The following LRRTM4 variants were observed in gnomAD, a reference collection of about 807,000 sequenced individuals.
LRRTM4 encodes the protein leucine-rich repeat transmembrane neuronal protein 4.
A neutral mutation model predicts 47.6 loss-of-function variants in LRRTM4; 25 were observed. The observed-to-expected ratio is 0.53, with a 90% CI of 0.38 to 0.73. The LOEUF (loss-of-function observed/expected upper bound fraction) is 0.73, where lower values mean the gene tolerates loss of function less well. Ranked by LOEUF, LRRTM4 falls within the 30% of genes least tolerant of loss-of-function variation. LRRTM4 has a pLI of 0.00. For missense variants in LRRTM4, 638 were observed against 713.4 expected, an observed-to-expected ratio of 0.89 and a Z score of 1.20; for synonymous variants, 311 against 269.5, an observed-to-expected ratio of 1.15 and a Z score of -1.51.
chr2:77,057,498 C>G (rs918102544), intron 3 of LRRTM4, among the ~76,000 whole-genome samples: 14 of 152,162 alleles, frequency 9.2e-5, no homozygotes, highest in Non-Finnish European at 1.3e-4. Context: ...AATTTAGTTG[C>G]TAAATCATAG....
intron 3 of LRRTM4, among the ~76,000 whole-genome samples, chr2:77,250,167 G>T (rs1346142888): frequency 1.3e-5 from 2 of 152,276 alleles, no homozygotes; most frequent in East Asian, 1.9e-4. Flanking sequence ...AAGTTAGAAG[G>T]GAGGGAGGTA....
At chr2:77,373,076 A>G (rs1208377277) in intron 3 of LRRTM4, among the ~76,000 whole-genome samples, 1 of 99,170 alleles carries the variant, frequency 1.0e-5, no homozygotes, top group East Asian at 4.2e-4. Flanking sequence ...GCAAACCAAC[A>G]ATTAAAAAAA....
rs557888776 is a variant in LRRTM4, at chr2:77,399,658, G to A, written c.1551+118660C>T. On this transcript the variant is annotated intron_variant, in intron 3 of 3. Coordinates refer to ENST00000409884, the MANE Select transcript of LRRTM4 (RefSeq NM_001134745.3). ...TGCTCGTTATATTTTCACAGTGATC[G>A]TATGAATTAGGTTCTTTTGCTATCT... is the stretch of plus-strand genomic sequence containing the variant. 4.6e-5 allele frequency among the ~76,000 whole-genome samples: 7 copies of A among 151,932 alleles called. No individual in the cohort carries two copies. In the South Asian group the frequency reaches 8.3e-4, roughly 18 times the overall value.
intron 3 of LRRTM4, among the ~76,000 whole-genome samples, chr2:77,212,193 AC>A (rs1205956655): frequency 2.6e-5 from 4 of 152,110 alleles, no homozygotes; most frequent in Admixed American, 6.6e-5. Flanking sequence ...TTAGAAAAAA[AC>A]ATTACTTAAA....
chr2:77,064,822 T>G (rs1679902132), intron 3 of LRRTM4, among the ~76,000 whole-genome samples: 1 of 152,112 alleles, frequency 6.6e-6, no homozygotes, highest in South Asian at 2.1e-4. Context: ...GGGCCGTGCT[T>G]TTTTCGTACC....
chr2:77,046,879 G>A (rs1378123672), intron 3 of LRRTM4, among the ~76,000 whole-genome samples: 2 of 151,986 alleles, frequency 1.3e-5, no homozygotes, highest in Non-Finnish European at 2.9e-5. Flanking sequence ...AGCAAATGAA[G>A]TGACTTTGGC....
chr2:76,776,650 G>A (rs1353976678), intron 3 of LRRTM4, among the ~76,000 whole-genome samples: 5 of 150,288 alleles, frequency 3.3e-5, no homozygotes, highest in African/African-American at 1.2e-4. Flanking sequence ...TGTAGATTCT[G>A]GATATTAGCC....
At chr2:77,205,885 G>A (rs1674109967) in intron 3 of LRRTM4, among the ~76,000 whole-genome samples, 2 of 152,020 alleles carry the variant, frequency 1.3e-5, no homozygotes. Flanking sequence ...ACCCAGGCTG[G>A]AGTGCAGTGG....
At chr2:77,517,331 C>T (rs1342921232) in intron 3 of LRRTM4, 25 of 983,212 alleles carry the variant, frequency 2.5e-5, no homozygotes, top group Non-Finnish European at 3.0e-5. Flanking sequence ...GGGAGGATAC[C>T]CAGAACTCAA....
At chr2:76,934,165 G>C (rs1674863057) in intron 3 of LRRTM4, among the ~76,000 whole-genome samples, 1 of 152,094 alleles carries the variant, frequency 6.6e-6, no homozygotes, top group African/African-American at 2.4e-5. Flanking sequence ...CTCTATGCTT[G>C]TCACTCACAT....
chr2:77,070,036 T>C (rs111843530), intron 3 of LRRTM4, among the ~76,000 whole-genome samples: 2,632 of 152,066 alleles, frequency 0.017, 35 homozygotes, highest in Non-Finnish European at 0.026. Flanking sequence ...AGGCAAGTAC[T>C]GCACAGATCA....
At chr2:76,845,054 G>A (rs1479470463) in intron 3 of LRRTM4, among the ~76,000 whole-genome samples, 1 of 152,078 alleles carries the variant, frequency 6.6e-6, no homozygotes, top group East Asian at 1.9e-4. Context: ...TCTTATTTCA[G>A]TTTGCTTTAA....
intron 3 of LRRTM4, among the ~76,000 whole-genome samples, chr2:77,443,649 A>G (rs892651725): frequency 3.3e-5 from 5 of 152,164 alleles, no homozygotes; most frequent in Non-Finnish European, 5.9e-5. Context: ...ATAGTATATG[A>G]AGCATTTTTA....
intron 3 of LRRTM4, among the ~76,000 whole-genome samples, chr2:77,490,867 A>C (rs924112665): frequency 2.6e-5 from 4 of 152,190 alleles, no homozygotes; most frequent in African/African-American, 9.6e-5. Context: ...GAGTCCAGTA[A>C]AAAGTATTAT....
chr2:76,934,112 C>T (rs553092023), intron 3 of LRRTM4, among the ~76,000 whole-genome samples: 3 of 152,178 alleles, frequency 2.0e-5, no homozygotes, highest in African/African-American at 7.2e-5. Flanking sequence ...AATAAAGAAC[C>T]TTACTCTGCA....
chr2:76,807,722 G>A (rs963979211), intron 3 of LRRTM4, among the ~76,000 whole-genome samples: 1 of 150,446 alleles, frequency 6.6e-6, no homozygotes, highest in Non-Finnish European at 1.5e-5. Flanking sequence ...CTCCCGAGTA[G>A]TTGGGATTAC....
At chr2:76,923,748 A>G (rs563889236) in intron 3 of LRRTM4, among the ~76,000 whole-genome samples, 3 of 152,172 alleles carry the variant, frequency 2.0e-5, no homozygotes, top group East Asian at 1.9e-4. Flanking sequence ...CTTTGATGCT[A>G]TTTCCTTACT....
At chr2:77,300,153 G>T (rs1677092912) in intron 3 of LRRTM4, among the ~76,000 whole-genome samples, 1 of 152,026 alleles carries the variant, frequency 6.6e-6, no homozygotes, top group African/African-American at 2.4e-5. Flanking sequence ...CCTGGCCAAT[G>T]ATGATTTTTA....
In LRRTM4 at chr2:77,509,416, G is replaced by A. The variant is rs749391576; in HGVS notation, c.1551+8902C>T. On this transcript the variant is annotated intron_variant, in intron 3 of 3. Transcript: ENST00000409884. ...TCTTTGCAAGGTGAATAAAATGTTCGGTCAAGGGAGTATTTTACAAATCCT... is the reference window on the plus strand; with the variant it reads ...TCTTTGCAAGGTGAATAAAATGTTCAGTCAAGGGAGTATTTTACAAATCCT... Among the ~76,000 whole-genome samples, 3 of 151,946 alleles carry A rather than the reference G, an allele frequency of 2.0e-5. 1 individual carries two copies. The highest frequency in any genetic ancestry group is 4.2e-4 in the South Asian group (2 of 4,816).
Sources: gnomAD v4.1 joint callset for allele counts (sites outside exome capture counted in the v4.1 genomes callset) on GRCh38, gnomAD v4.1.1 for gene constraint, MANE v1.5 for transcripts, NCBI Gene and HGNC (gene_info 2026-07-23, HGNC 2026-07-21) for gene names.